Variants in STRN observed in about 807,000 individuals in gnomAD.
STRN encodes the protein striatin.
Under a neutral mutation model 96.3 loss-of-function variants are expected in STRN, and 53 were observed. The ratio of observed to expected loss-of-function variants is 0.55; its 90% CI spans 0.44 to 0.69. The LOEUF (loss-of-function observed/expected upper bound fraction) is 0.69, where lower values mean the gene tolerates loss of function less well. STRN is among the 30% of genes least tolerant of loss of function. The probability of loss-of-function intolerance (pLI) is 0.00; values close to 1 mark genes in which losing one functional copy is unlikely to be tolerated. For missense variants in STRN, 987 were observed against 963.9 expected, an observed-to-expected ratio of 1.02 and a Z score of -0.32; for synonymous variants, 428 against 355.9, an observed-to-expected ratio of 1.20 and a Z score of -2.28.
intron 6 of STRN, among the ~76,000 whole-genome samples, chr2:36,898,259 A>T (rs1257803750): frequency 6.6e-6 from 1 of 152,248 alleles, no homozygotes; most frequent in East Asian, 1.9e-4. Context: ...AGAAATCACA[A>T]GGGACTACCC....
At chr2:36,925,769 T>G (rs940287696) in intron 1 of STRN, among the ~76,000 whole-genome samples, 8 of 152,174 alleles carry the variant, frequency 5.3e-5, no homozygotes, top group African/African-American at 1.9e-4. Flanking sequence ...TGAGACTCCA[T>G]ATCAAAAAAT....
At chr2:36,952,450 A>G (rs1204493910) in intron 1 of STRN, among the ~76,000 whole-genome samples, 3 of 98,814 alleles carry the variant, frequency 3.0e-5, no homozygotes, top group South Asian at 4.0e-4. Flanking sequence ...AGCACGAGAG[A>G]AAAAAAAAAA....
chr2:36,883,222 A>C (rs529502755), intron 9 of STRN, among the ~76,000 whole-genome samples: 48 of 152,326 alleles, frequency 3.2e-4, no homozygotes, highest in Non-Finnish European at 5.3e-4. Context: ...TGGGAGCCCA[A>C]GATGGGCAGA....
intron 1 of STRN, among the ~76,000 whole-genome samples, chr2:36,957,895 C>T (rs1308322422): frequency 7.5e-5 from 11 of 145,962 alleles, no homozygotes; most frequent in Non-Finnish European, 1.5e-4. Flanking sequence ...GGATTACAGG[C>T]GCCCATCACG....
At chr2:36,915,837 T>C (rs1670082636) in intron 3 of STRN, among the ~76,000 whole-genome samples, 1 of 152,116 alleles carries the variant, frequency 6.6e-6, no homozygotes, top group South Asian at 2.1e-4. Flanking sequence ...ACTCTGATCC[T>C]TCCAGTAAGT....
At chr2:36,849,945 T>C in intron 16 of STRN, 145 bp from the exon 17 acceptor site, 2 of 743,370 alleles carry the variant, frequency 2.7e-6, no homozygotes, top group Admixed American at 2.7e-5. Context: ...TAAAACAACA[T>C]GTCTCCCTCT....
At chr2:36,874,476 G>C (rs1407649498) in intron 10 of STRN, among the ~76,000 whole-genome samples, 1 of 152,058 alleles carries the variant, frequency 6.6e-6, no homozygotes, top group Non-Finnish European at 1.5e-5. Flanking sequence ...AGGTGCTAGA[G>C]TGGTACTCGA....
chr2:36,912,415 C>G (rs1669986554), intron 3 of STRN, among the ~76,000 whole-genome samples: 1 of 152,196 alleles, frequency 6.6e-6, no homozygotes, highest in Non-Finnish European at 1.5e-5. Context: ...TCCCATGTGT[C>G]ACAAAGTCCT....
intron 1 of STRN, among the ~76,000 whole-genome samples, chr2:36,950,400 G>A (rs1370176006): frequency 6.6e-6 from 1 of 152,054 alleles, no homozygotes; most frequent in Non-Finnish European, 1.5e-5. Context: ...ATTTTTAGTA[G>A]AGATGAGGTT....
At chr2:36,907,634 G>A (rs1336556587) in intron 3 of STRN, among the ~76,000 whole-genome samples, 1 of 152,092 alleles carries the variant, frequency 6.6e-6, no homozygotes, top group Non-Finnish European at 1.5e-5. Flanking sequence ...CAACCTCAAA[G>A]ATAGGTACTT....
chr2:36,877,504 A>G (rs1230488330), intron 10 of STRN, among the ~76,000 whole-genome samples: 1 of 152,214 alleles, frequency 6.6e-6, no homozygotes, highest in Non-Finnish European at 1.5e-5. Context: ...AAGTTTTACC[A>G]TTGCCTTCAT....
chr2:36,933,906 T>C (rs932549025), intron 1 of STRN, among the ~76,000 whole-genome samples: 3 of 152,158 alleles, frequency 2.0e-5, no homozygotes, highest in African/African-American at 7.2e-5. Context: ...GGTCAGGAGT[T>C]TGATACCAGC....
In STRN at chr2:36,839,556, C is replaced by T. The variant is rs1001802833; in HGVS notation, c.*9900G>A. 6.6e-6 allele frequency among the ~76,000 whole-genome samples: 1 copy of T among 152,066 alleles called. No homozygotes were observed. The highest frequency in any genetic ancestry group is 1.5e-5 in the Non-Finnish European group (1 of 67,994). ...CTTATTTTATTAGGTGTTTTACATC[C>T]GTTATCTCAAATCAACCTAATTAGG... On this transcript the variant is annotated 3_prime_UTR_variant, in exon 18 of 18. Transcript: ENST00000263918.
At chr2:36,954,541 C>G (rs894104913) in intron 1 of STRN, among the ~76,000 whole-genome samples, 1 of 149,344 alleles carries the variant, frequency 6.7e-6, no homozygotes, top group Admixed American at 6.7e-5. Flanking sequence ...AAAAAAAGAG[C>G]TCCAAATTTG....
At chr2:36,860,056 G>A (rs887302502) in intron 13 of STRN, among the ~76,000 whole-genome samples, 4 of 152,198 alleles carry the variant, frequency 2.6e-5, no homozygotes, top group African/African-American at 9.6e-5. Flanking sequence ...ACAAGGTCAA[G>A]AAAAGGCTTC....
In STRN at chr2:36,866,932, G is replaced by T. The variant is rs549778753; in HGVS notation, c.1547+882C>A. Among the ~76,000 whole-genome samples, 5 of 152,186 alleles carry T rather than the reference G, an allele frequency of 3.3e-5. No homozygotes were observed. In the East Asian group the frequency reaches 9.7e-4, roughly 29 times the overall value. On this transcript the variant is annotated intron_variant, in intron 12 of 17. Coordinates refer to ENST00000263918, the MANE Select transcript of STRN (RefSeq NM_003162.4). ...CTATGGGTGTTACTGCATGTGAGGT[G>T]GGTCGCTTAAAGATAGAATACAGTT... is the stretch of plus-strand genomic sequence containing the variant.
chr2:36,941,528 T>A lies in STRN; in HGVS notation c.235-16320A>T, dbSNP rs143097332. ...GATGAACAGAATCATGGTGCAAAAT[T>A]TTATAACTTATTTTCTTATGTAAAC... is the stretch of plus-strand genomic sequence containing the variant. On this transcript the variant is annotated intron_variant, in intron 1 of 17. Coordinates refer to ENST00000263918, the MANE Select transcript of STRN (RefSeq NM_003162.4). 1.1e-3 allele frequency among the ~76,000 whole-genome samples: 171 copies of A among 152,222 alleles called. 2 individuals are homozygous for A. The highest frequency in any genetic ancestry group is 7.6e-3 in the Admixed American group (116 of 15,280).
chr2:36,876,868 C>T (rs1283632818), intron 10 of STRN, among the ~76,000 whole-genome samples: 1 of 151,954 alleles, frequency 6.6e-6, no homozygotes, highest in Non-Finnish European at 1.5e-5. Flanking sequence ...CTGCCTCAGC[C>T]TCCCGAGTAG....
At position 36,966,491 on chromosome 2, in the gene STRN, C is replaced by G. The variant is rs950987852; in HGVS notation, c.-28G>C. On this transcript the variant is annotated 5_prime_UTR_variant, in exon 1 of 18. Transcript: ENST00000263918. ...CGGCCGCAGATACCCGGGGAGCTGC[C>G]CCGGCGCCCAGCAGCGGAGGCAACA... 1.6e-5 allele frequency: 23 copies of G among 1,401,264 alleles called. No homozygotes were observed. The East Asian group carries it at 5.9e-4, about 36-fold the overall frequency. 86.8% of individuals were successfully genotyped at this position (1,401,264 alleles called of 1,614,324 possible).
Sources: gnomAD v4.1 joint callset for allele counts (sites outside exome capture counted in the v4.1 genomes callset) on GRCh38, gnomAD v4.1.1 for gene constraint, MANE v1.5 for transcripts, NCBI Gene and HGNC (gene_info 2026-07-23, HGNC 2026-07-21) for gene names.